SNX18: variants seen among roughly 807,000 people sequenced by gnomAD.
SNX18 encodes the protein sorting nexin-18.
In SNX18, 35 loss-of-function variants were observed where a neutral mutation model predicts 48.7. The ratio of observed to expected loss-of-function variants is 0.72; its 90% confidence interval spans 0.55 to 0.95. The LOEUF (loss-of-function observed/expected upper bound fraction) is 0.95. Ranked by LOEUF, SNX18 falls within the 40% of genes least tolerant of loss-of-function variation. The pLI is 0.00. For synonymous variants in SNX18, 492 were observed against 384.7 expected (o/e 1.28, Z -3.26); for missense variants, 824 against 871.0 (o/e 0.95, Z 0.68).
At chr5:54,528,532 T>G (rs1762187317) in intron 1 of SNX18, among the ~76,000 whole-genome samples, 1 of 152,104 alleles carries the variant, frequency 6.6e-6, no homozygotes, top group African/African-American at 2.4e-5. Context: ...TGGAGGAGTG[T>G]AGGTGGAAAG....
chr5:54,607,151 G>A, the SNX18 span, among the ~76,000 whole-genome samples: 1 of 152,080 alleles, frequency 6.6e-6, no homozygotes, highest in Non-Finnish European at 1.5e-5. Flanking sequence ...TTTGCTAGTA[G>A]CTTTTATACC....
the SNX18 span, among the ~76,000 whole-genome samples, chr5:54,647,676 C>A: frequency 6.6e-6 from 1 of 151,998 alleles, no homozygotes; most frequent in Admixed American, 6.5e-5. Flanking sequence ...TGAGGAGATT[C>A]CCAGAAAATG....
At position 54,517,962 on chromosome 5, in the gene SNX18, C is replaced by G; in HGVS notation, c.10C>G (p.Arg4Gly). 6.6e-7 allele frequency: 1 copy of G among 1,514,832 alleles called. No homozygotes were observed. Among genetic ancestry groups the G allele is most frequent in the Admixed American group, 2.1e-5 (1 of 47,150 alleles). The allele number at this position is 1,514,832 out of a possible 1,614,324, so 93.8% of individuals were successfully genotyped here. The change falls in exon 1 of 2, where the codon CGC becomes GGC. Residue 4 changes from arginine to glycine, a missense_variant. By Grantham distance (125) the Arg-to-Gly change is moderately radical (BLOSUM62 -2). Transcript: ENST00000381410. ...TCGGGGCGCCGGGACCATGGCGCTG[C>G]GCGCCCGGGCGCTGTACGACTTCAG... MAL[R>G]ARALYDFRSE... is the part of the protein sequence containing the mutation.
chr5:54,576,967 A>G, the SNX18 span, among the ~76,000 whole-genome samples: 19 of 151,894 alleles, frequency 1.3e-4, no homozygotes, highest in Non-Finnish European at 2.5e-4. Context: ...ACGCCCAGCT[A>G]ATTTTTGTAT....
At chr5:54,576,769 C>CTGTG in the SNX18 span, among the ~76,000 whole-genome samples, 6 of 137,794 alleles carry the variant, frequency 4.4e-5, no homozygotes, top group Non-Finnish European at 9.5e-5. Flanking sequence ...AAGCAAGTAG[C>CTGTG]TGTGTTTGTT....
rs1026161778 is a variant in SNX18, at chr5:54,517,888, G to A, written c.-65G>A. ...CGCCAGGGCTCGAGCAGTACCGCGG[G>A]CCCCTCAGGTGGGCCTCGGCTCGGG... On this transcript the variant is annotated 5_prime_UTR_variant, in exon 1 of 2. Coordinates refer to ENST00000381410, the MANE Select transcript of SNX18 (RefSeq NM_001102575.2). 145 of 1,423,480 alleles carry A rather than the reference G, an allele frequency of 1.0e-4. No homozygotes were observed. The highest frequency in any genetic ancestry group is 1.2e-4 in the Non-Finnish European group (133 of 1,097,156). The allele number at this position is 1,423,480 out of a possible 1,614,324, so 88.2% of individuals were successfully genotyped here.
chr5:54,531,095 C>T (rs1318712267), intron 1 of SNX18, among the ~76,000 whole-genome samples: 1 of 152,060 alleles, frequency 6.6e-6, no homozygotes, highest in East Asian at 1.9e-4. Flanking sequence ...AAGCATCCTT[C>T]ACTGGTGCAC....
At chr5:54,639,754 G>A in the SNX18 span, among the ~76,000 whole-genome samples, 1 of 152,164 alleles carries the variant, frequency 6.6e-6, no homozygotes, top group Non-Finnish European at 1.5e-5. Context: ...ATCTAGGCCT[G>A]AATAAGCTAC....
At chr5:54,637,498 T>C in the SNX18 span, among the ~76,000 whole-genome samples, 10 of 151,924 alleles carry the variant, frequency 6.6e-5, no homozygotes, top group East Asian at 5.8e-4. Flanking sequence ...CAAGGAGGAA[T>C]GAAGTGGTGG....
the SNX18 span, among the ~76,000 whole-genome samples, chr5:54,627,754 C>T: frequency 6.6e-6 from 1 of 152,088 alleles, no homozygotes; most frequent in South Asian, 2.1e-4. Flanking sequence ...CTGAGTTCAC[C>T]AAAGATCCTG....
At chr5:54,628,603 A>C in the SNX18 span, among the ~76,000 whole-genome samples, 10 of 152,188 alleles carry the variant, frequency 6.6e-5, no homozygotes, top group East Asian at 1.9e-3. Context: ...CCCCACCTCT[A>C]GTCCCCTCTC....
At chr5:54,594,871 T>C in the SNX18 span, among the ~76,000 whole-genome samples, 1 of 152,196 alleles carries the variant, frequency 6.6e-6, no homozygotes, top group African/African-American at 2.4e-5. Context: ...TTGCCATCTT[T>C]ATGTCCATGA....
intron 1 of SNX18, chr5:54,519,777 G>C (rs931389786): frequency 1.2e-6 from 2 of 1,614,070 alleles, no homozygotes; most frequent in Middle Eastern, 1.7e-4. Flanking sequence ...TCTTGCATTA[G>C]GGAATGAGTA....
the SNX18 span, among the ~76,000 whole-genome samples, chr5:54,554,034 C>T: frequency 6.6e-6 from 1 of 152,216 alleles, no homozygotes; most frequent in East Asian, 1.9e-4. Context: ...GCTGGGCCTC[C>T]GTGGAGCTCC....
chr5:54,615,732 GAAA>G, the SNX18 span, among the ~76,000 whole-genome samples: 1 of 152,042 alleles, frequency 6.6e-6, no homozygotes, highest in Non-Finnish European at 1.5e-5. Flanking sequence ...AGCTCTGGAG[GAAA>G]AAAATGTGCA....
the SNX18 span, among the ~76,000 whole-genome samples, chr5:54,560,083 C>T: frequency 6.6e-6 from 1 of 152,146 alleles, no homozygotes; most frequent in Non-Finnish European, 1.5e-5. Flanking sequence ...CCTCAAAGAC[C>T]TAAAAACAGA....
intron 1 of SNX18, among the ~76,000 whole-genome samples, chr5:54,530,471 G>A (rs992200025): frequency 6.6e-6 from 1 of 152,036 alleles, no homozygotes; most frequent in African/African-American, 2.4e-5. Flanking sequence ...TATTTCTTAC[G>A]CTACAATATA....
At chr5:54,559,153 G>T in the SNX18 span, among the ~76,000 whole-genome samples, 1 of 152,172 alleles carries the variant, frequency 6.6e-6, no homozygotes, top group East Asian at 1.9e-4. Context: ...AGTGCCCAAA[G>T]CAATTTGTAG....
the SNX18 span, among the ~76,000 whole-genome samples, chr5:54,572,590 C>A: frequency 6.6e-6 from 1 of 151,616 alleles, no homozygotes; most frequent in Non-Finnish European, 1.5e-5. Flanking sequence ...ATTCTACCAG[C>A]AAGAAATGGC....
Sources: allele counts gnomAD v4.1 joint callset (sites outside exome capture counted in the v4.1 genomes callset), GRCh38; gene constraint gnomAD v4.1.1; transcripts MANE v1.5; gene names NCBI Gene and HGNC (gene_info 2026-07-23, HGNC 2026-07-21).